Variants in SLC27A4 observed in about 807,000 individuals in gnomAD.
The protein encoded by SLC27A4 is solute carrier family 27 member 4, also known as long-chain fatty acid transport protein 4.
In SLC27A4, 33 loss-of-function variants were observed where a neutral mutation model predicts 64.4. The observed-to-expected ratio is 0.51, with a 90% CI of 0.39 to 0.68. The LOEUF (loss-of-function observed/expected upper bound fraction) is 0.68, where lower values mean the gene tolerates loss of function less well. Among genes scored for constraint, SLC27A4 ranks in the 30% least tolerant of loss-of-function variants. The pLI is 0.00. For synonymous variants in SLC27A4, 377 were observed against 370.0 expected (o/e 1.02, Z -0.22); for missense variants, 824 against 883.5 (o/e 0.93, Z 0.85).
At chr9:128,348,084 T>C (rs1832683509) in intron 3 of SLC27A4, among the ~76,000 whole-genome samples, 1 of 152,054 alleles carries the variant, frequency 6.6e-6, no homozygotes, top group Non-Finnish European at 1.5e-5. Context: ...AGGTTCCCGC[T>C]CTCGGAAGGG....
At chr9:128,348,001 C>T (rs746150713) in intron 3 of SLC27A4, among the ~76,000 whole-genome samples, 6 of 151,954 alleles carry the variant, frequency 3.9e-5, no homozygotes, top group Non-Finnish European at 7.4e-5. Context: ...GGGGCCAAGC[C>T]GACCAGCGCT....
rs562299414 is a variant in SLC27A4, at chr9:128,353,188, A to G, written c.1151A>G (p.Tyr384Cys). ...RFHIPQVAEF[Y>C]GATECNCSLG... ...CACATACCCCAGGTGGCTGAGTTCT[A>G]CGGGGCCACAGAGTGCAACTGTAGC... Residue 384 changes from tyrosine to cysteine, a missense_variant, in exon 8 of 13, where the codon TAC (tyrosine) becomes TGC (cysteine). By Grantham distance (194) the Tyr-to-Cys change is radical. Coordinates refer to ENST00000300456, the MANE Select transcript of SLC27A4 (RefSeq NM_005094.4). This position sits in a 1 kb window ranked among gnomAD's most constrained non-coding sequence, Gnocchi z 4.9. The G allele has an allele frequency of 6.2e-7, 1 of 1,614,126 alleles. No homozygotes were observed. Among genetic ancestry groups the G allele is most frequent in the South Asian group, 1.1e-5 (1 of 91,086 alleles).
Position 128,355,030 on chromosome 9 carries a change from TGACCCTGCCTTCCCCACCCCA to T in SLC27A4, c.1325-21_1325-1del, listed in dbSNP as rs770140694. On this transcript the variant is annotated splice_acceptor_variant and splice_polypyrimidine_tract_variant and intron_variant, in intron 9 of 12. Transcript: ENST00000300456. LOFTEE classifies it high-confidence loss of function. ...TGGGAGAGGCTGCCTAGGGCAGATC[TGACCCTGCCTTCCCCACCCCA>T]GGTGAGCCGGGCCAGCTGGTGGGCC... 1.2e-6 allele frequency: 2 copies of T among 1,606,216 alleles called. No homozygotes were observed. The highest frequency in any genetic ancestry group is 4.5e-5 in the East Asian group (2 of 44,484).
intron 1 of SLC27A4, 21 bp downstream of exon 1, chr9:128,340,859 T>G: frequency 1.5e-6 from 1 of 647,134 alleles, no homozygotes; most frequent in South Asian, 1.6e-5. Context: ...ACCGGGCTGG[T>G]GGGTTCCCGG....
chr9:128,351,236 C>A (rs1420472177), intron 6 of SLC27A4, among the ~76,000 whole-genome samples: 1 of 150,692 alleles, frequency 6.6e-6, no homozygotes, highest in Non-Finnish European at 1.5e-5. Context: ...TGCATTCCAG[C>A]CTGGGCAACA....
rs1564403065 is a variant in SLC27A4 at position 128,355,159 on chromosome 9, CT to C, written c.1433del (p.Phe478SerfsTer15). On this transcript the variant is annotated frameshift_variant, in exon 10 of 13. Transcript: ENST00000300456. LOFTEE classifies it high-confidence loss of function. ...ACAACAAGAAGATTGCCAAGGATGT[CT>C]TCAAGAAGGGGGACCAGGCCTACCT... ...ANNKKIAKDV[F>X]KKGDQAYLTG... The C allele has an allele frequency of 6.2e-7, 1 of 1,613,702 alleles. No homozygotes were observed. Among genetic ancestry groups the C allele is most frequent in the East Asian group, 2.2e-5 (1 of 44,870 alleles).
chr9:128,344,077 G>A (rs988409701), intron 2 of SLC27A4, among the ~76,000 whole-genome samples: 3 of 152,202 alleles, frequency 2.0e-5, no homozygotes, highest in African/African-American at 4.8e-5. Context: ...AGCTGTGGGA[G>A]CATGGAGCAA....
intron 2 of SLC27A4, among the ~76,000 whole-genome samples, chr9:128,343,899 A>G (rs1213160290): frequency 1.3e-5 from 2 of 152,210 alleles, no homozygotes; most frequent in African/African-American, 4.8e-5. Context: ...GACACAGCAC[A>G]TCTGTAAATT....
In SLC27A4 at chr9:128,343,748, C is replaced by T. The variant is rs139347540; in HGVS notation, c.161+455C>T. 1.1e-3 allele frequency among the ~76,000 whole-genome samples: 173 copies of T among 152,316 alleles called. 1 individual carries two copies. The highest frequency in any genetic ancestry group is 3.6e-3 in the African/African-American group (149 of 41,576). ...GATAACCTGCTCCCCAAAGAAAGCC[C>T]GGTATGCTCCAAGGGACATCCTGTA... is the stretch of plus-strand genomic sequence containing the variant. On this transcript the variant is annotated intron_variant, in intron 2 of 12. Transcript: ENST00000300456.
At chr9:128,346,420 G>C (rs937187619) in intron 3 of SLC27A4, among the ~76,000 whole-genome samples, 1 of 151,068 alleles carries the variant, frequency 6.6e-6, no homozygotes, top group Non-Finnish European at 1.5e-5. Flanking sequence ...ATTTTTAGTA[G>C]AGACGAGGTT....
intron 6 of SLC27A4, among the ~76,000 whole-genome samples, chr9:128,351,422 G>A (rs962323690): frequency 2.0e-5 from 3 of 152,076 alleles, no homozygotes; most frequent in Non-Finnish European, 2.9e-5. Flanking sequence ...GCGAGACACT[G>A]TCTCAAAAAA....
At chr9:128,358,379 G>A (rs924007942) in intron 12 of SLC27A4, among the ~76,000 whole-genome samples, 1 of 152,220 alleles carries the variant, frequency 6.6e-6, no homozygotes, top group African/African-American at 2.4e-5. Flanking sequence ...GTGGCTGCTG[G>A]CTGGACGCCG....
chr9:128,350,402 G>A (rs1832715227), intron 5 of SLC27A4, 21 bp downstream of exon 5: 1 of 1,613,464 alleles, frequency 6.2e-7, no homozygotes, highest in Non-Finnish European at 8.5e-7. Context: ...GGTGCCCAGG[G>A]TGGGGTAGGC....
At chr9:128,356,472 G>A (rs972085349) in intron 12 of SLC27A4, among the ~76,000 whole-genome samples, 7 of 152,248 alleles carry the variant, frequency 4.6e-5, no homozygotes, top group Non-Finnish European at 1.0e-4. Context: ...GGTAAGAGTC[G>A]GGACTGTCCC....
Position 128,353,094 on chromosome 9 carries a change from C to A in SLC27A4, c.1057C>A (p.His353Asn), listed in dbSNP as rs1832761681. ...NQPPREAENQ[H>N]QVRMALGNGL... ...GCCACCGCGGGAGGCAGAAAACCAG[C>A]ACCAGGTTCGCATGGCACTAGGCAA... Residue 353 changes from histidine to asparagine, a missense_variant, in exon 8 of 13, where the codon CAC becomes AAC. Coordinates refer to ENST00000300456, the MANE Select transcript of SLC27A4 (RefSeq NM_005094.4). The surrounding 1 kb of genome is among the most constrained non-coding windows in gnomAD (Gnocchi z 4.9). The A allele has an allele frequency of 6.2e-7, 1 of 1,614,064 alleles. No homozygotes were observed. Among genetic ancestry groups the A allele is most frequent in the Non-Finnish European group, 8.5e-7 (1 of 1,180,032 alleles).
chr9:128,360,715 C>T lies in SLC27A4; in HGVS notation c.*224C>T. The T allele has an allele frequency of 1.8e-6, 1 of 569,670 alleles. No homozygotes were observed. Among genetic ancestry groups the T allele is most frequent in the Non-Finnish European group, 3.1e-6 (1 of 318,682 alleles). 35.3% of individuals were successfully genotyped at this position (569,670 alleles called of 1,614,324 possible). ...TCCAAGTTCCGTCTTCTGGGCTGGG[C>T]AGGCCCTCTGGTTCCCAGGCTGAGA... On this transcript the variant is annotated 3_prime_UTR_variant, in exon 13 of 13. Transcript: ENST00000300456.
chr9:128,356,347 T>G (rs1832819959), intron 12 of SLC27A4, among the ~76,000 whole-genome samples: 1 of 151,924 alleles, frequency 6.6e-6, no homozygotes, highest in African/African-American at 2.4e-5. Flanking sequence ...GGAGCTTGGG[T>G]GCTGGAGGAA....
Position 128,360,766 on chromosome 9 carries a change from C to A in SLC27A4, c.*275C>A. On this transcript the variant is annotated 3_prime_UTR_variant, in exon 13 of 13. Transcript: ENST00000300456. Reference sequence around the variant, plus strand: ...CTGACGGGTTTTCTCAGGATGATGTCTTGGGTGAGGGTAGGGAGAGGACAA... The same window carrying A: ...CTGACGGGTTTTCTCAGGATGATGTATTGGGTGAGGGTAGGGAGAGGACAA... The A allele has an allele frequency of 4.1e-6, 2 of 483,262 alleles. No individual in the cohort carries two copies. Among genetic ancestry groups the A allele is most frequent in the Non-Finnish European group, 7.6e-6 (2 of 262,352 alleles). The allele number at this position is 483,262 out of a possible 1,614,324, so 29.9% of individuals were successfully genotyped here.
In SLC27A4 at chr9:128,344,166, C is replaced by G. The variant is rs569936858; in HGVS notation, c.161+873C>G. ...AAAAGCGGCTGTACTTGAGAGGCGC[C>G]TTAGTGGTGGTGGAAGGAGATGAAT... On this transcript the variant is annotated intron_variant, in intron 2 of 12. Transcript: ENST00000300456. Among the ~76,000 whole-genome samples, 4 of 152,186 alleles carry G rather than the reference C, an allele frequency of 2.6e-5. No individual in the cohort carries two copies. In the East Asian group the frequency reaches 7.7e-4, roughly 29 times the overall value.
Sources: gnomAD v4.1 joint callset for allele counts (sites outside exome capture counted in the v4.1 genomes callset) on GRCh38, gnomAD v4.1.1 for gene constraint, Gnocchi (gnomAD v3.1) non-coding constraint, MANE v1.5 for transcripts, NCBI Gene and HGNC (gene_info 2026-07-23, HGNC 2026-07-21) for gene names.